Variants in NLGN2 observed in about 807,000 individuals in gnomAD.
The protein encoded by NLGN2 is neuroligin-2.
A neutral mutation model predicts 48.6 loss-of-function variants in NLGN2; 11 were observed. That is an observed-to-expected ratio of 0.23 (90% confidence interval 0.14 to 0.37). The LOEUF is 0.37. NLGN2 is among the 10% of genes least tolerant of loss of function. NLGN2 has a pLI of 1.00. For synonymous variants in NLGN2, 548 were observed against 550.0 expected (o/e 1.00, Z 0.05); for missense variants, 801 against 1,225.2 (o/e 0.65, Z 5.17).
At chr17:7,407,756 C>T (rs375432870), upstream of NLGN2, among the ~76,000 whole-genome samples, 411 of 152,082 alleles carry the variant, frequency 2.7e-3, 2 homozygotes, top group African/African-American at 9.6e-3. Flanking sequence ...CATCTGGGCC[C>T]CACCCCCAAC....
intron 1 of NLGN2, among the ~76,000 whole-genome samples, chr17:7,410,179 T>C (rs1597708154): frequency 7.9e-6 from 1 of 127,274 alleles, no homozygotes; most frequent in African/African-American, 3.1e-5. Flanking sequence ...GCACTCAGAA[T>C]CCCCCCCTGC....
chr17:7,408,219 G>C lies in NLGN2; in HGVS notation c.-37G>C, dbSNP rs907236777. The C allele has an allele frequency of 8.8e-7, 1 of 1,133,900 alleles. No homozygotes were observed. The highest frequency in any genetic ancestry group is 2.5e-5 in the South Asian group (1 of 40,468). The allele number at this position is 1,133,900 out of a possible 1,614,324, so 70.2% of individuals were successfully genotyped here. ...CCCTTCTCTCTCTCTCCGAGGGGGG[G>C]GGGTCCCAGGGAGGGAGGGGGGGTC... On this transcript the variant is annotated 5_prime_UTR_variant, in exon 1 of 7. Coordinates refer to ENST00000302926, the MANE Select transcript of NLGN2 (RefSeq NM_020795.4). The surrounding 1 kb of genome is among the most constrained non-coding windows in gnomAD (Gnocchi z 7.5).
At position 7,417,719 on chromosome 17, in the gene NLGN2, G is replaced by T. The variant is rs1378340984; in HGVS notation, c.2428G>T (p.Gly810Trp). ...ACCGCCCCCCTCCCTTCATCCCTTC[G>T]GGCCCTTCCCCCCGCCCCCTCCCAC... is the stretch of plus-strand genomic sequence containing the variant. ...PPPPPSLHPF[G>W]PFPPPPPTAT... Residue 810 changes from glycine to tryptophan, a missense_variant, in exon 7 of 7, where the codon GGG becomes TGG. Transcript: ENST00000302926. The T allele has an allele frequency of 3.7e-6, 4 of 1,080,434 alleles. No homozygotes were observed. Among genetic ancestry groups the T allele is most frequent in the Non-Finnish European group, 4.6e-6 (4 of 862,148 alleles). 66.9% of individuals were successfully genotyped at this position (1,080,434 alleles called of 1,614,324 possible). A position where few individuals can be genotyped will look rare whatever the true frequency, so the allele number is the denominator to read the frequency against.
At chr17:7,414,310 C>A in intron 2 of NLGN2, 34 bp from the exon 3 acceptor site, 2 of 1,484,580 alleles carry the variant, frequency 1.3e-6, no homozygotes, top group South Asian at 1.2e-5. Context: ...TGTCCCTGAC[C>A]CCCTGGCCCA....
At chr17:7,414,899 C>G (rs765822979) in intron 4 of NLGN2, 51 bp downstream of exon 4, 1 of 1,613,476 alleles carries the variant, frequency 6.2e-7, no homozygotes, top group Non-Finnish European at 8.5e-7. Context: ...TGCCAACTCC[C>G]CCCTCTCCTT....
chr17:7,416,003 G>C lies in NLGN2; in HGVS notation c.1530G>C (p.Val510=). Reference sequence around the variant, plus strand: ...ATGAACTGCCCTATGTCTTTGGCGTGCCCATGGTGGGTGCCACCGACCTCT... The same window carrying C: ...ATGAACTGCCCTATGTCTTTGGCGTCCCCATGGTGGGTGCCACCGACCTCT... The part of the protein sequence containing the change: ...HGDELPYVFG[V]PMVGATDLFP... Residue 510 remains valine (V), a synonymous_variant, in exon 6 of 7, where the codon GTG becomes GTC. Transcript: ENST00000302926. 6.2e-7 allele frequency: 1 copy of C among 1,614,168 alleles called. No individual in the cohort carries two copies.
At position 7,408,791 on chromosome 17, in the gene NLGN2, C is replaced by T. The variant is rs929874700; in HGVS notation, c.457+79C>T. ...CATGCAGACCCTCAGGCACTGGCAC[C>T]GCTCTAGGGCTCAGAGCTGGGCCTT... On this transcript the variant is annotated intron_variant, in intron 1 of 6. Coordinates refer to ENST00000302926, the MANE Select transcript of NLGN2 (RefSeq NM_020795.4). This position sits in a 1 kb window ranked among gnomAD's most constrained non-coding sequence, Gnocchi z 7.5. 2 of 1,606,386 alleles carry T rather than the reference C, an allele frequency of 1.2e-6. No homozygotes were observed. The highest frequency in any genetic ancestry group is 1.7e-5 in the Admixed American group (1 of 59,780).
intron 1 of NLGN2, among the ~76,000 whole-genome samples, chr17:7,409,900 C>T (rs1282527595): frequency 6.6e-6 from 1 of 152,092 alleles, no homozygotes; most frequent in Non-Finnish European, 1.5e-5. Flanking sequence ...AACTATGTAC[C>T]ATGTCACCCA....
intron 6 of NLGN2, among the ~76,000 whole-genome samples, 191 bp from the exon 7 acceptor site, chr17:7,416,735 C>T (rs866729077): frequency 8.5e-5 from 13 of 152,100 alleles, no homozygotes; most frequent in African/African-American, 2.9e-4. Context: ...TGCCTATTTG[C>T]CTGAAGAGAC....
chr17:7,410,852 C>T (rs78557750), intron 1 of NLGN2, among the ~76,000 whole-genome samples: 5,946 of 152,318 alleles, frequency 0.039, 360 homozygotes, highest in African/African-American at 0.13. Context: ...CATAGACTCA[C>T]GTGCACACGT....
In NLGN2 at chr17:7,415,703, C is replaced by G; in HGVS notation, c.1230C>G (p.Val410=). 1 of 1,614,260 alleles carries G rather than the reference C, an allele frequency of 6.2e-7. No individual in the cohort carries two copies. The highest frequency in any genetic ancestry group is 1.1e-5 in the South Asian group (1 of 91,086). The change falls in exon 6 of 7, where the codon GTC becomes GTG. Residue 410 remains valine, a synonymous_variant. Transcript: ENST00000302926. ...CTGCCAGCGCCTTTGACTTCACTGT[C>G]TCCAACTTTGTGGACAACCTGTATG... is the stretch of plus-strand genomic sequence containing the variant. ...GVSASAFDFT[V]SNFVDNLYGY... is the part of the protein sequence containing the mutation.
In NLGN2 at chr17:7,415,503, C is replaced by T. The variant is rs772637405; in HGVS notation, c.1038-8C>T. The T allele has an allele frequency of 1.9e-6, 3 of 1,613,740 alleles. No individual in the cohort carries two copies. The East Asian group carries it at 6.7e-5, about 36-fold the overall frequency. ...GCAGGTGGTGAGACCCTGACCCCTT[C>T]TCCCCAGCTACCACATCGCCTTTGG... On this transcript the variant is annotated splice_region_variant and splice_polypyrimidine_tract_variant and intron_variant, in intron 5 of 6. Coordinates refer to ENST00000302926, the MANE Select transcript of NLGN2 (RefSeq NM_020795.4).
At chr17:7,404,960 G>C (rs1051824308), upstream of NLGN2, 10 of 151,992 alleles carry the variant, frequency 6.6e-5, no homozygotes, top group Non-Finnish European at 1.0e-4. Context: ...CCTGGCGCGC[G>C]GAGCCAGGAG....
intron 5 of NLGN2, 54 bp downstream of exon 5, chr17:7,415,202 G>A: frequency 6.7e-7 from 1 of 1,492,076 alleles, no homozygotes; most frequent in Non-Finnish European, 9.1e-7. Context: ...AGGAGGCTGA[G>A]GTGAGAGGTG....
intron 2 of NLGN2, 90 bp from the exon 3 acceptor site, chr17:7,414,254 C>T: frequency 8.0e-7 from 1 of 1,242,674 alleles, no homozygotes; most frequent in Non-Finnish European, 1.2e-6. Context: ...CAGTCCTCAG[C>T]AGGCCTGGGA....
chr17:7,412,684 C>T (rs1312283480), intron 2 of NLGN2, among the ~76,000 whole-genome samples: 1 of 152,026 alleles, frequency 6.6e-6, no homozygotes, highest in African/African-American at 2.4e-5. Context: ...AAAAGCCTGT[C>T]AGACACAGAA....
At chr17:7,416,377 G>A (rs1437202169) in intron 6 of NLGN2, among the ~76,000 whole-genome samples, 2 of 133,796 alleles carry the variant, frequency 1.5e-5, no homozygotes, top group Non-Finnish European at 3.5e-5. Context: ...CCCCCTGCCC[G>A]ACCCCCCTAG....
rs1907044088 is a variant in NLGN2 at position 7,415,056 on chromosome 17, G to A, written c.945G>A (p.Val315=). ...ACACGCGGCTGCTGGCAGCCAAGGT[G>A]GGCTGTGACCGAGAGGACAGCGCTG... is the stretch of plus-strand genomic sequence containing the variant. The part of the protein sequence containing the change: ...LKYTRLLAAK[V]GCDREDSAEA... Residue 315 remains valine, a synonymous_variant, in exon 5 of 7, where the codon GTG becomes GTA. Coordinates refer to ENST00000302926, the MANE Select transcript of NLGN2 (RefSeq NM_020795.4). 1.2e-6 allele frequency: 2 copies of A among 1,613,500 alleles called. No homozygotes were observed. The highest frequency in any genetic ancestry group is 1.1e-5 in the South Asian group (1 of 91,078).
At chr17:7,416,887 G>GCCCTCACTCCTCCTTT in intron 6 of NLGN2, 39 bp from the exon 7 acceptor site, 2 of 1,609,232 alleles carry the variant, frequency 1.2e-6, no homozygotes, top group Non-Finnish European at 1.7e-6. Flanking sequence ...TCAGAGCCTT[G>GCCCTCACTCCTCCTTT]CCCTCACTCC....
Sources: gnomAD v4.1 joint callset for allele counts (sites outside exome capture counted in the v4.1 genomes callset) on GRCh38, gnomAD v4.1.1 for gene constraint, Gnocchi (gnomAD v3.1) non-coding constraint, MANE v1.5 for transcripts, NCBI Gene and HGNC (gene_info 2026-07-23, HGNC 2026-07-21) for gene names.